Variants in TAFA5 observed in about 807,000 individuals in gnomAD.
The protein encoded by TAFA5 is TAFA chemokine like family member 5.
Under a neutral mutation model 15.3 loss-of-function variants are expected in TAFA5, and 6 were observed. That is an observed-to-expected ratio of 0.39 (90% CI 0.21 to 0.77). The LOEUF (loss-of-function observed/expected upper bound fraction) is 0.77, where lower values mean the gene tolerates loss of function less well. Ranked by LOEUF, TAFA5 falls within the 30% of genes least tolerant of loss-of-function variation. The probability of loss-of-function intolerance (pLI) is 0.41; values close to 1 mark genes in which losing one functional copy is unlikely to be tolerated. For missense variants in TAFA5, 161 were observed against 193.1 expected, an observed-to-expected ratio of 0.83 and a Z score of 0.98; for synonymous variants, 103 against 80.7, an observed-to-expected ratio of 1.28 and a Z score of -1.48.
chr22:48,576,110 C>T lies in TAFA5; in HGVS notation c.113-70487C>T, dbSNP rs992554210. ...CGCCGTCCGGGCCCTGCTGGCGGTG[C>T]GGCTCCGGGGGCGGCGGCGGGGCTG... On this transcript the variant is annotated intron_variant, in intron 1 of 3. Coordinates refer to ENST00000402357, the MANE Select transcript of TAFA5 (RefSeq NM_001082967.3). 6.2e-3 allele frequency among the ~76,000 whole-genome samples: 775 copies of T among 125,814 alleles called. 6 individuals carry two copies. Among genetic ancestry groups the T allele is most frequent in the Admixed American group, 0.01 (125 of 12,056 alleles). The allele number at this position is 125,814 out of a possible 152,430, so 82.5% of individuals were successfully genotyped here.
At chr22:48,521,981 A>G (rs1372812264) in intron 1 of TAFA5, among the ~76,000 whole-genome samples, 5 of 152,224 alleles carry the variant, frequency 3.3e-5, no homozygotes. Context: ...GCTCCCGGCC[A>G]GCCAGTGCCC....
At chr22:48,703,153 T>G (rs1928967970) in intron 2 of TAFA5, among the ~76,000 whole-genome samples, 1 of 152,106 alleles carries the variant, frequency 6.6e-6, no homozygotes, top group South Asian at 2.1e-4. Context: ...TGGGCATGTG[T>G]GTGCCTGTGT....
intron 3 of TAFA5, among the ~76,000 whole-genome samples, chr22:48,745,191 CATCGGCAGCTGGCCT>C (rs1413684215): frequency 2.4e-4 from 37 of 152,162 alleles, no homozygotes; most frequent in African/African-American, 8.5e-4. Context: ...ACAGCTTTGT[CATCGGCAGCTGGCCT>C]GTCCAGGGTT....
chr22:48,542,106 GGTGT>G (rs567200946), intron 1 of TAFA5, among the ~76,000 whole-genome samples: 4 of 43,122 alleles, frequency 9.3e-5, no homozygotes, highest in South Asian at 1.5e-3. Context: ...ATGTGTGTGT[GGTGT>G]GTGTGTGTGT....
chr22:48,692,153 G>A (rs946781455), intron 2 of TAFA5, among the ~76,000 whole-genome samples: 3 of 151,952 alleles, frequency 2.0e-5, no homozygotes, highest in African/African-American at 7.2e-5. Context: ...GGCCCACCCA[G>A]GAGACCCTCC....
intron 1 of TAFA5, among the ~76,000 whole-genome samples, chr22:48,588,507 T>C (rs1301470990): frequency 1.3e-5 from 2 of 152,158 alleles, no homozygotes; most frequent in Non-Finnish European, 2.9e-5. Flanking sequence ...GGGTGGGTGC[T>C]ACCTTCAAAG....
chr22:48,673,379 C>A (rs1166803243), intron 2 of TAFA5, among the ~76,000 whole-genome samples: 2 of 152,224 alleles, frequency 1.3e-5, no homozygotes, highest in East Asian at 3.9e-4. Flanking sequence ...TTCCTGCTGT[C>A]AGTTTCCCTC....
At chr22:48,520,146 T>C (rs1473749651) in intron 1 of TAFA5, among the ~76,000 whole-genome samples, 2 of 152,192 alleles carry the variant, frequency 1.3e-5, no homozygotes, top group Non-Finnish European at 2.9e-5. Flanking sequence ...CGCTGGAAGC[T>C]GGAGGCCACA....
intron 1 of TAFA5, among the ~76,000 whole-genome samples, chr22:48,562,821 A>C (rs1182860386): frequency 6.6e-6 from 1 of 152,158 alleles, no homozygotes; most frequent in Non-Finnish European, 1.5e-5. Context: ...CCACAGTGAG[A>C]GAGGACTCAC....
chr22:48,731,732 G>A (rs1417457399), intron 3 of TAFA5, among the ~76,000 whole-genome samples: 2 of 152,170 alleles, frequency 1.3e-5, no homozygotes, highest in Non-Finnish European at 2.9e-5. Flanking sequence ...AGATATTGCT[G>A]CTCATTGACA....
At chr22:48,705,531 A>G (rs574352860) in intron 2 of TAFA5, among the ~76,000 whole-genome samples, 2 of 152,366 alleles carry the variant, frequency 1.3e-5, no homozygotes, top group East Asian at 3.9e-4. Context: ...GCTGTTCCCC[A>G]GGACCCTGTC....
chr22:48,722,867 A>G (rs939653653), intron 3 of TAFA5, among the ~76,000 whole-genome samples: 8 of 152,202 alleles, frequency 5.3e-5, no homozygotes, highest in Non-Finnish European at 1.0e-4. Context: ...AACAGTGAGC[A>G]TATGTAGAAC....
chr22:48,593,081 C>T (rs1236002392), intron 1 of TAFA5, among the ~76,000 whole-genome samples: 1 of 152,312 alleles, frequency 6.6e-6, no homozygotes, highest in East Asian at 1.9e-4. Context: ...CCGGGAATCC[C>T]GACAGGAGCC....
chr22:48,696,079 A>T (rs576454198), intron 2 of TAFA5, among the ~76,000 whole-genome samples: 72 of 152,274 alleles, frequency 4.7e-4, no homozygotes, highest in Middle Eastern at 6.8e-3. Flanking sequence ...ATTCAGAGGC[A>T]TGTGAAATCA....
intron 1 of TAFA5, among the ~76,000 whole-genome samples, chr22:48,620,290 C>T (rs898062704): frequency 1.1e-4 from 17 of 152,166 alleles, no homozygotes; most frequent in South Asian, 4.1e-4. Context: ...TGGCATCTCC[C>T]GCCTCTTCCT....
At chr22:48,618,122 T>C (rs577190653) in intron 1 of TAFA5, among the ~76,000 whole-genome samples, 1 of 152,292 alleles carries the variant, frequency 6.6e-6, no homozygotes, top group African/African-American at 2.4e-5. Flanking sequence ...GAGAGGTTGT[T>C]TCTGCACTCT....
chr22:48,641,284 A>T (rs1310585246), intron 1 of TAFA5, among the ~76,000 whole-genome samples: 1 of 152,150 alleles, frequency 6.6e-6, no homozygotes, highest in Non-Finnish European at 1.5e-5. Context: ...ATGATGCGTG[A>T]CAAACACCAC....
rs566022899 is a variant in TAFA5, at chr22:48,552,107, C to T, written c.112+62403C>T. ...GTCACTGTGGCTGTGTGGCTGCAGC[C>T]TGTGCACTGTGAGCCCTCCTTGTGT... On this transcript the variant is annotated intron_variant, in intron 1 of 3. Coordinates refer to ENST00000402357, the MANE Select transcript of TAFA5 (RefSeq NM_001082967.3). This position sits in a 1 kb window ranked among gnomAD's most constrained non-coding sequence, Gnocchi z 4.1. Among the ~76,000 whole-genome samples, 1 of 152,358 alleles carries T rather than the reference C, an allele frequency of 6.6e-6. No individual in the cohort carries two copies. The highest frequency in any genetic ancestry group is 1.9e-4 in the East Asian group (1 of 5,186).
intron 2 of TAFA5, among the ~76,000 whole-genome samples, chr22:48,663,335 C>G (rs1373966743): frequency 7.3e-6 from 1 of 137,590 alleles, no homozygotes; most frequent in Non-Finnish European, 1.6e-5. Flanking sequence ...GGTTAAGTGG[C>G]CTGCATCTTT....
Sources: allele counts gnomAD v4.1 joint callset (sites outside exome capture counted in the v4.1 genomes callset), GRCh38; gene constraint gnomAD v4.1.1; non-coding constraint Gnocchi (gnomAD v3.1); transcripts MANE v1.5; gene names NCBI Gene and HGNC (gene_info 2026-07-23, HGNC 2026-07-21).